Variants in CAMTA1 observed in about 807,000 individuals in gnomAD.
CAMTA1 encodes calmodulin-binding transcription activator 1.
A neutral mutation model predicts 170.9 loss-of-function variants in CAMTA1; 27 were observed. The ratio of observed to expected loss-of-function variants is 0.16; its 90% CI spans 0.12 to 0.22. The LOEUF (loss-of-function observed/expected upper bound fraction) is 0.22. Ranked by LOEUF, CAMTA1 falls within the 10% of genes least tolerant of loss-of-function variation. CAMTA1 has a pLI of 1.00. For synonymous variants in CAMTA1, 833 were observed against 891.5 expected (o/e 0.93, Z 1.17); for missense variants, 1,619 against 2,217.2 (o/e 0.73, Z 5.42).
intron 3 of CAMTA1, among the ~76,000 whole-genome samples, chr1:7,042,593 G>A (rs934926763): frequency 2.6e-5 from 4 of 152,244 alleles, no homozygotes; most frequent in Admixed American, 6.5e-5. Context: ...GCCTGGCATT[G>A]AGATGCCACC....
rs138779902 is a variant in CAMTA1 at position 7,153,630 on chromosome 1, C to T, written c.302+62259C>T. Among the ~76,000 whole-genome samples the T allele has an allele frequency of 4.1e-3, 618 of 152,142 alleles. 3 individuals are homozygous for T. The highest frequency in any genetic ancestry group is 6.3e-3 in the Non-Finnish European group (430 of 68,002). The stretch of plus-strand genomic sequence containing the variant: ...CCCAGGCGGGAGGGAAAAGATGAGG[C>T]GAGTGACCGGCAACCTCCCACCTGC... On this transcript the variant is annotated intron_variant, in intron 4 of 22. Coordinates refer to ENST00000303635, the MANE Select transcript of CAMTA1 (RefSeq NM_015215.4).
In CAMTA1 at chr1:6,887,586, A is replaced by G. The variant is rs1673580646; in HGVS notation, c.234+62376A>G. ...CTCTCTGCCTCTGGAAATGGGGCAAATTTTTCTTCAGTTAAAAACAGAAAT... is the reference window on the plus strand; with the variant it reads ...CTCTCTGCCTCTGGAAATGGGGCAAGTTTTTCTTCAGTTAAAAACAGAAAT... On this transcript the variant is annotated intron_variant, in intron 3 of 22. Coordinates refer to ENST00000303635, the MANE Select transcript of CAMTA1 (RefSeq NM_015215.4). This position sits in a 1 kb window ranked among gnomAD's most constrained non-coding sequence, Gnocchi z 4.1. The G allele has an allele frequency of 3.3e-6, 5 of 1,521,548 alleles. No homozygotes were observed. The South Asian group carries it at 3.6e-5, about 11-fold the overall frequency. 94.3% of individuals were successfully genotyped at this position (1,521,548 alleles called of 1,614,324 possible).
intron 5 of CAMTA1, among the ~76,000 whole-genome samples, chr1:7,353,143 C>G (rs2084813888): frequency 6.6e-6 from 1 of 152,202 alleles, no homozygotes; most frequent in Non-Finnish European, 1.5e-5. Context: ...CTCTCGAAGG[C>G]ACAGTTTCCT....
chr1:7,581,129 C>T lies in CAMTA1; in HGVS notation c.511-59271C>T, dbSNP rs886477822. On this transcript the variant is annotated intron_variant, in intron 6 of 22. Transcript: ENST00000303635. ...CCCTCCTCCCACATCTGCTGGGCAC[C>T]GTGTTGCGAGAGGACAAGTTTGAGG... Among the ~76,000 whole-genome samples the T allele has an allele frequency of 3.3e-5, 5 of 152,294 alleles. No individual in the cohort carries two copies. In the East Asian group the frequency reaches 5.8e-4, roughly 18 times the overall value.
chr1:7,030,518 T>C (rs1490744326), intron 3 of CAMTA1, among the ~76,000 whole-genome samples: 1 of 152,202 alleles, frequency 6.6e-6, no homozygotes, highest in Non-Finnish European at 1.5e-5. Context: ...TTCTAATTCT[T>C]ACTTAAAAAC....
intron 5 of CAMTA1, among the ~76,000 whole-genome samples, chr1:7,357,285 G>A (rs1241655420): frequency 1.3e-5 from 2 of 152,232 alleles, no homozygotes; most frequent in African/African-American, 2.4e-5. Flanking sequence ...ATAGCCAAGA[G>A]CCCAGGACCC....
At chr1:7,461,684 G>A (rs1235369994) in intron 5 of CAMTA1, among the ~76,000 whole-genome samples, 1 of 152,178 alleles carries the variant, frequency 6.6e-6, no homozygotes, top group Non-Finnish European at 1.5e-5. Flanking sequence ...CTGGCTTCTG[G>A]GGGTTCCCTG....
At chr1:7,721,920 G>C (rs971025460) in intron 11 of CAMTA1, among the ~76,000 whole-genome samples, 12 of 152,174 alleles carry the variant, frequency 7.9e-5, no homozygotes, top group African/African-American at 2.6e-4. Context: ...AGACAGAGGA[G>C]GGACTTAATT....
intron 3 of CAMTA1, among the ~76,000 whole-genome samples, chr1:6,993,549 G>C (rs1696720565): frequency 6.6e-6 from 1 of 151,996 alleles, no homozygotes; most frequent in Non-Finnish European, 1.5e-5. Context: ...TTGAGGCTCT[G>C]TTATTAGGCA....
At chr1:7,055,422 C>G (rs1298671078) in intron 3 of CAMTA1, among the ~76,000 whole-genome samples, 1 of 152,196 alleles carries the variant, frequency 6.6e-6, no homozygotes, top group Admixed American at 6.5e-5. Context: ...CTTAGCATCC[C>G]TGAGTCCCCA....
At position 7,290,093 on chromosome 1, in the gene CAMTA1, A is replaced by G. The variant is rs1406308399; in HGVS notation, c.438+40467A>G. Among the ~76,000 whole-genome samples, 5 of 152,218 alleles carry G rather than the reference A, an allele frequency of 3.3e-5. No homozygotes were observed. In the East Asian group the frequency reaches 5.8e-4, roughly 18 times the overall value. On this transcript the variant is annotated intron_variant, in intron 5 of 22. Coordinates refer to ENST00000303635, the MANE Select transcript of CAMTA1 (RefSeq NM_015215.4). ...GTTATGGAAGCCCTGAGAGACTGATATAGTGGGGAACATGTGAGGTGCATT... is the reference window on the plus strand; with the variant it reads ...GTTATGGAAGCCCTGAGAGACTGATGTAGTGGGGAACATGTGAGGTGCATT...
intron 6 of CAMTA1, among the ~76,000 whole-genome samples, chr1:7,563,219 G>A (rs536815547): frequency 1.1e-4 from 16 of 152,308 alleles, no homozygotes; most frequent in African/African-American, 3.6e-4. Flanking sequence ...GGGGGCAAGC[G>A]GCCACAGAGA....
chr1:6,964,794 T>C (rs1022256155), intron 3 of CAMTA1, among the ~76,000 whole-genome samples: 5 of 152,192 alleles, frequency 3.3e-5, no homozygotes, highest in Non-Finnish European at 7.3e-5. Flanking sequence ...ATATGTTGCT[T>C]GTGAGATGCC....
chr1:6,926,431 TTCTTTTC>T lies in CAMTA1; in HGVS notation c.234+101227_234+101233del, dbSNP rs1204612745. Among the ~76,000 whole-genome samples the T allele has an allele frequency of 3.1e-3, 424 of 136,980 alleles. 2 individuals carry two copies. Among genetic ancestry groups the T allele is most frequent in the Middle Eastern group, 0.015 (4 of 264 alleles). 89.9% of individuals were successfully genotyped at this position (136,980 alleles called of 152,430 possible). On this transcript the variant is annotated intron_variant, in intron 3 of 22. Transcript: ENST00000303635. ...CCTCTCTCTTTTCTTTTCTCTTTCT[TTCTTTTC>T]TCTTTCTTTCTTTCTTTCTTTCTTT...
At chr1:7,208,425 C>A (rs1284379482) in intron 4 of CAMTA1, among the ~76,000 whole-genome samples, 1 of 152,218 alleles carries the variant, frequency 6.6e-6, no homozygotes, top group Non-Finnish European at 1.5e-5. Context: ...CCTTATTGGG[C>A]ATCTGAGATG....
intron 4 of CAMTA1, among the ~76,000 whole-genome samples, chr1:7,148,333 C>T (rs1379757675): frequency 6.6e-6 from 1 of 151,842 alleles, no homozygotes; most frequent in Non-Finnish European, 1.5e-5. Flanking sequence ...CACACACACA[C>T]CACACACTCA....
chr1:7,733,679 A>C (rs577701170), intron 12 of CAMTA1, among the ~76,000 whole-genome samples: 1 of 150,086 alleles, frequency 6.7e-6, no homozygotes, highest in East Asian at 1.9e-4. Flanking sequence ...TGCAAAAAAA[A>C]CCTCAAATAA....
At chr1:7,051,128 A>G (rs530555948) in intron 3 of CAMTA1, among the ~76,000 whole-genome samples, 9 of 152,308 alleles carry the variant, frequency 5.9e-5, no homozygotes, top group Non-Finnish European at 1.2e-4. Flanking sequence ...CAATGTCGAC[A>G]TTGAATATGT....
intron 6 of CAMTA1, among the ~76,000 whole-genome samples, chr1:7,558,929 G>A (rs951207202): frequency 2.0e-5 from 3 of 152,232 alleles, no homozygotes; most frequent in African/African-American, 7.2e-5. Context: ...CTGAGCTGGT[G>A]CAGCCTTTTC....
Sources: gnomAD v4.1 joint callset for allele counts (sites outside exome capture counted in the v4.1 genomes callset) on GRCh38, gnomAD v4.1.1 for gene constraint, Gnocchi (gnomAD v3.1) non-coding constraint, MANE v1.5 for transcripts, NCBI Gene and HGNC (gene_info 2026-07-23, HGNC 2026-07-21) for gene names.